The following ASH2L variants were observed in gnomAD, a reference collection of about 807,000 sequenced individuals.
ASH2L encodes set1/Ash2 histone methyltransferase complex subunit ASH2.
In ASH2L, 30 loss-of-function variants were observed where a neutral mutation model predicts 81.1. That is an observed-to-expected ratio of 0.37 (90% CI 0.28 to 0.50). ASH2L has a LOEUF of 0.50. Ranked by LOEUF, ASH2L falls within the 20% of genes least tolerant of loss-of-function variation. The pLI is 0.95. For missense variants in ASH2L, 559 were observed against 792.1 expected, an observed-to-expected ratio of 0.71 and a Z score of 3.53; for synonymous variants, 273 against 279.9, an observed-to-expected ratio of 0.98 and a Z score of 0.24.
chr8:38,135,981 CTT>C lies in ASH2L; in HGVS notation c.1719+218_1719+219del, dbSNP rs150180558. On this transcript the variant is annotated intron_variant, in intron 14 of 15. Transcript: ENST00000343823. ...GGTCCTGCAGTTTGTGTGCGCCATA[CTT>C]TTCCCTTGAGCACGTGGTGTGGTGT... Among the ~76,000 whole-genome samples, 425 of 152,130 alleles carry C rather than the reference CTT, an allele frequency of 2.8e-3. 2 individuals carry two copies. The highest frequency in any genetic ancestry group is 9.3e-3 in the African/African-American group (388 of 41,510).
chr8:38,113,062 G>C (rs1810751921), intron 5 of ASH2L, among the ~76,000 whole-genome samples: 2 of 151,844 alleles, frequency 1.3e-5, no homozygotes, highest in African/African-American at 2.4e-5. Context: ...TCTGCCTCCT[G>C]GGTTCAAGCA....
chr8:38,130,292 T>G lies in ASH2L; in HGVS notation c.1527+1341T>G, dbSNP rs571303035. Among the ~76,000 whole-genome samples the G allele has an allele frequency of 4.2e-4, 63 of 149,858 alleles. 1 individual carries two copies. The highest frequency in any genetic ancestry group is 1.4e-3 in the African/African-American group (58 of 41,066). Reference sequence around the variant, plus strand: ...GAAACAGGTTTGGTATTTTTTGTTTTTTTTTTTTTTTCCATGTTGCCCAGG... The same window carrying G: ...GAAACAGGTTTGGTATTTTTTGTTTGTTTTTTTTTTTCCATGTTGCCCAGG... On this transcript the variant is annotated intron_variant, in intron 12 of 15. Coordinates refer to ENST00000343823, the MANE Select transcript of ASH2L (RefSeq NM_004674.5).
At position 38,128,558 on chromosome 8, in the gene ASH2L, G is replaced by A. The variant is rs531083590; in HGVS notation, c.1333+100G>A. 3 of 1,505,428 alleles carry A rather than the reference G, an allele frequency of 2.0e-6. No homozygotes were observed. The African/African-American group carries it at 4.2e-5, about 21-fold the overall frequency. 93.3% of individuals were successfully genotyped at this position (1,505,428 alleles called of 1,614,324 possible). On this transcript the variant is annotated intron_variant, in intron 11 of 15. Coordinates refer to ENST00000343823, the MANE Select transcript of ASH2L (RefSeq NM_004674.5). Reference sequence around the variant, plus strand: ...AGGCTGTTGGGTTTACCAGATTGTGGGCATAGAATTCAGTTCCTGAGGGTT... The same window carrying A: ...AGGCTGTTGGGTTTACCAGATTGTGAGCATAGAATTCAGTTCCTGAGGGTT...
At chr8:38,106,242 C>T in intron 1 of ASH2L, 136 bp from the exon 2 acceptor site, 1 of 1,364,396 alleles carries the variant, frequency 7.3e-7, no homozygotes, top group Non-Finnish European at 1.0e-6. Context: ...CCTTGGGCAT[C>T]CAGTCTGAGA....
intron 10 of ASH2L, among the ~76,000 whole-genome samples, chr8:38,127,212 C>G (rs1241293910): frequency 1.3e-5 from 2 of 150,920 alleles, no homozygotes; most frequent in East Asian, 3.9e-4. Flanking sequence ...TGGCTCATAC[C>G]TGTAATCCTG....
chr8:38,128,909 C>G lies in ASH2L; in HGVS notation c.1485C>G (p.Asp495Glu), dbSNP rs754615900. ...GATTTTATATTAATCTTCCTGAAGACACAGAGACAGCCAAGTCATTGCCAG... is the reference window on the plus strand; with the variant it reads ...GATTTTATATTAATCTTCCTGAAGAGACAGAGACAGCCAAGTCATTGCCAG... ...VLGFYINLPE[D>E]TETAKSLPDT... The change falls in exon 12 of 16, where the codon GAC (aspartate) becomes GAG (glutamate). Residue 495 changes from aspartate (D) to glutamate (E), a missense_variant. Transcript: ENST00000343823. 3.1e-6 allele frequency: 5 copies of G among 1,613,868 alleles called. No homozygotes were observed. The highest frequency in any genetic ancestry group is 4.2e-6 in the Non-Finnish European group (5 of 1,179,916).
chr8:38,105,511 A>G (rs1051945955), upstream of ASH2L: 1 of 1,503,996 alleles, frequency 6.6e-7, no homozygotes. Flanking sequence ...CGCGCGCGAG[A>G]GAAGAGAGTA....
intron 4 of ASH2L, 68 bp downstream of exon 4, chr8:38,110,535 C>T (rs1810639961): frequency 6.8e-7 from 1 of 1,467,090 alleles, no homozygotes. Flanking sequence ...CTGGGCGTAG[C>T]AGAATCAGGA....
In ASH2L at chr8:38,137,138, G is replaced by A. The variant is rs148765278; in HGVS notation, c.1719+1372G>A. 4.0e-5 allele frequency among the ~76,000 whole-genome samples: 6 copies of A among 151,114 alleles called. No individual in the cohort carries two copies. In the East Asian group the frequency reaches 5.9e-4, roughly 15 times the overall value. ...GGTGGCGCTGGGCACAGTGGCTCAC[G>A]CCTGTAATCCCAGCACTTTGGTGGG... is the stretch of plus-strand genomic sequence containing the variant. On this transcript the variant is annotated intron_variant, in intron 14 of 15. Coordinates refer to ENST00000343823, the MANE Select transcript of ASH2L (RefSeq NM_004674.5).
At chr8:38,106,696 A>C (rs1017420944) in intron 2 of ASH2L, among the ~76,000 whole-genome samples, 2 of 151,688 alleles carry the variant, frequency 1.3e-5, no homozygotes, top group Non-Finnish European at 2.9e-5. Context: ...TTTTTAGTAG[A>C]GACGGGGTTT....
chr8:38,127,591 C>G (rs545667653), intron 10 of ASH2L, among the ~76,000 whole-genome samples: 5 of 150,756 alleles, frequency 3.3e-5, no homozygotes, highest in African/African-American at 9.8e-5. Context: ...ACTAAAAATA[C>G]GAAAATTAGC....
intron 12 of ASH2L, among the ~76,000 whole-genome samples, chr8:38,131,749 T>C (rs1802067721): frequency 6.6e-6 from 1 of 152,126 alleles, no homozygotes; most frequent in African/African-American, 2.4e-5. Flanking sequence ...AAATGGTCTC[T>C]AATGTAGTTG....
At chr8:38,114,635 C>G (rs1181331712) in intron 6 of ASH2L, 1 of 413,632 alleles carries the variant, frequency 2.4e-6, no homozygotes, top group Non-Finnish European at 4.3e-6. Flanking sequence ...AAGAGAGCAC[C>G]TGGGGAGAAG....
At position 38,107,064 on chromosome 8, in the gene ASH2L, G is replaced by T. The variant is rs562583983; in HGVS notation, c.299G>T (p.Gly100Val). Residue 100 changes from glycine (G) to valine (V), a missense_variant, in exon 3 of 16, where the codon GGC (glycine) becomes GTC (valine). Physicochemically the swap from Gly to Val is moderately radical, Grantham distance 109. Transcript: ENST00000343823. Reference protein sequence around the residue: ...DTSEVMDTQAGSVDEENGRQL... With the variant: ...DTSEVMDTQAVSVDEENGRQL... ...TCAGAGGTGATGGATACTCAGGCGGGCTCCGTGGATGAAGAGAATGGCCGA... is the reference window on the plus strand; with the variant it reads ...TCAGAGGTGATGGATACTCAGGCGGTCTCCGTGGATGAAGAGAATGGCCGA... The T allele has an allele frequency of 2.6e-5, 42 of 1,614,122 alleles. No individual in the cohort carries two copies. The South Asian group carries it at 4.4e-4, about 17-fold the overall frequency.
At chr8:38,114,485 A>G (rs768001385) in intron 6 of ASH2L, among the ~76,000 whole-genome samples, 198 bp downstream of exon 6, 17 of 152,210 alleles carry the variant, frequency 1.1e-4, no homozygotes, top group Non-Finnish European at 2.4e-4. Context: ...TCTTATATGA[A>G]CATTGCCCGC....
At chr8:38,120,626 C>A (rs200546788) in intron 9 of ASH2L, among the ~76,000 whole-genome samples, 2 of 34,248 alleles carry the variant, frequency 5.8e-5, no homozygotes, top group African/African-American at 9.7e-5. Context: ...CTTCCCCCCC[C>A]CCCCCCCCCC....
At chr8:38,106,931 A>G in intron 2 of ASH2L, 90 bp from the exon 3 acceptor site, 2 of 1,501,190 alleles carry the variant, frequency 1.3e-6, no homozygotes, top group Non-Finnish European at 1.8e-6. Flanking sequence ...AGCCTGGGCA[A>G]CATAGGGAGA....
rs557171965 is a variant in ASH2L at position 38,116,805 on chromosome 8, G to A, written c.853+80G>A. On this transcript the variant is annotated intron_variant, in intron 8 of 15. Transcript: ENST00000343823. ...GTGCCTAGAACTGGCCATTCTTTGGGTTGACCCTTAACCTGGATACTTACT... is the reference window on the plus strand; with the variant it reads ...GTGCCTAGAACTGGCCATTCTTTGGATTGACCCTTAACCTGGATACTTACT... 2.3e-5 allele frequency: 28 copies of A among 1,224,262 alleles called. No individual in the cohort carries two copies. In the African/African-American group the frequency reaches 3.5e-4, roughly 15 times the overall value. The allele number at this position is 1,224,262 out of a possible 1,614,324, so 75.8% of individuals were successfully genotyped here.
chr8:38,105,534 G>C lies in ASH2L; in HGVS notation c.-17G>C, dbSNP rs541233672. 1.5e-4 allele frequency: 229 copies of C among 1,548,452 alleles called. No homozygotes were observed. The highest frequency in any genetic ancestry group is 3.7e-4 in the Middle Eastern group (2 of 5,408). Reference sequence around the variant, plus strand: ...AGAGAAGAGAGTATTCTCGCGAGAAGTCCAGGGGTGGCCGTGATGGCGGCG... The same window carrying C: ...AGAGAAGAGAGTATTCTCGCGAGAACTCCAGGGGTGGCCGTGATGGCGGCG... On this transcript the variant is annotated 5_prime_UTR_variant, in exon 1 of 16. Coordinates refer to ENST00000343823, the MANE Select transcript of ASH2L (RefSeq NM_004674.5).
Sources: gnomAD v4.1 joint callset for allele counts (sites outside exome capture counted in the v4.1 genomes callset) on GRCh38, gnomAD v4.1.1 for gene constraint, MANE v1.5 for transcripts, NCBI Gene and HGNC (gene_info 2026-07-23, HGNC 2026-07-21) for gene names.